The following FNBP1L variants were observed in gnomAD, a reference collection of about 807,000 sequenced individuals.
FNBP1L encodes the protein formin-binding protein 1-like.
FNBP1L carries 36 observed loss-of-function variants against 91.2 expected under a neutral mutation model. The ratio of observed to expected loss-of-function variants is 0.39; its 90% CI spans 0.30 to 0.52. FNBP1L has a LOEUF of 0.52. Among genes scored for constraint, FNBP1L ranks in the 20% least tolerant of loss-of-function variants. The pLI, the probability that FNBP1L is intolerant of heterozygous loss-of-function variation, is 0.66. For synonymous variants in FNBP1L, 242 were observed against 237.0 expected (o/e 1.02, Z -0.19); for missense variants, 571 against 732.1 (o/e 0.78, Z 2.54).
intron 11 of FNBP1L, 97 bp from the exon 12 acceptor site, chr1:93,544,010 C>T (rs1672133834): frequency 1.3e-6 from 1 of 789,388 alleles, no homozygotes; most frequent in Non-Finnish European, 1.8e-6. Flanking sequence ...TGAAATTAAA[C>T]TTAAGATTGG....
At chr1:93,518,495 T>C (rs1671207459) in intron 2 of FNBP1L, among the ~76,000 whole-genome samples, 2 of 152,210 alleles carry the variant, frequency 1.3e-5, no homozygotes, top group African/African-American at 4.8e-5. Flanking sequence ...GGATTGAACA[T>C]GTTAAGGTGG....
At chr1:93,499,384 C>T (rs989536026) in intron 1 of FNBP1L, 84 bp from the exon 2 acceptor site, 19 of 852,934 alleles carry the variant, frequency 2.2e-5, no homozygotes, top group Admixed American at 5.0e-5. Flanking sequence ...CATTGCTTCT[C>T]TGTACAAATA....
chr1:93,509,439 G>A (rs764138260), intron 2 of FNBP1L, among the ~76,000 whole-genome samples: 6 of 152,192 alleles, frequency 3.9e-5, no homozygotes, highest in Admixed American at 6.5e-5. Context: ...CTGTTAGGGG[G>A]CTGGAAAGTG....
intron 16 of FNBP1L, chr1:93,551,847 A>G: frequency 2.0e-6 from 2 of 985,390 alleles, no homozygotes; most frequent in Non-Finnish European, 2.4e-6. Context: ...AACTAATCTC[A>G]TACTTTTGTA....
rs527652419 is a variant in FNBP1L, at chr1:93,532,294, C to T, written c.640-628C>T. Among the ~76,000 whole-genome samples, 23 of 151,970 alleles carry T rather than the reference C, an allele frequency of 1.5e-4. No homozygotes were observed. In the East Asian group the frequency reaches 3.9e-3, roughly 26 times the overall value. On this transcript the variant is annotated intron_variant, in intron 7 of 16. Coordinates refer to ENST00000271234, the MANE Select transcript of FNBP1L (RefSeq NM_001164473.3). ...CCATCCTGGCCAACATGGTGAAACCCCATCGCTACTAAAAATACAAAAATT... is the reference window on the plus strand; with the variant it reads ...CCATCCTGGCCAACATGGTGAAACCTCATCGCTACTAAAAATACAAAAATT...
chr1:93,542,433 A>G lies in FNBP1L; in HGVS notation c.1164+1377A>G, dbSNP rs527566505. 8.7e-5 allele frequency among the ~76,000 whole-genome samples: 9 copies of G among 103,146 alleles called. No homozygotes were observed. In the East Asian group the frequency reaches 2.7e-3, roughly 31 times the overall value. The allele number at this position is 103,146 out of a possible 152,430, so 67.7% of individuals were successfully genotyped here. A position where few individuals can be genotyped will look rare whatever the true frequency, so the allele number is the denominator to read the frequency against. ...TTGATTGATATCCTTGTTTCTGGTG[A>G]TTGGTAAATGAAAAAAAAAAAAAAA... On this transcript the variant is annotated intron_variant, in intron 11 of 16. Coordinates refer to ENST00000271234, the MANE Select transcript of FNBP1L (RefSeq NM_001164473.3).
chr1:93,506,917 A>G (rs997093566), intron 2 of FNBP1L, among the ~76,000 whole-genome samples: 5 of 152,284 alleles, frequency 3.3e-5, no homozygotes, highest in African/African-American at 1.2e-4. Flanking sequence ...AATATCACAT[A>G]TATAACTAAT....
Position 93,551,150 on chromosome 1 carries a change from G to A in FNBP1L, c.1810+45G>A, listed in dbSNP as rs1327816722. 9 of 1,513,364 alleles carry A rather than the reference G, an allele frequency of 5.9e-6. No individual in the cohort carries two copies. The Middle Eastern group carries it at 5.3e-4, about 89-fold the overall frequency. The allele number at this position is 1,513,364 out of a possible 1,614,324, so 93.7% of individuals were successfully genotyped here. On this transcript the variant is annotated intron_variant, in intron 16 of 16. Transcript: ENST00000271234. ...AACTAACCAGGCACCTTTGTGCCAT[G>A]TGTGACATAGGAAGAGTAACATAAA...
intron 11 of FNBP1L, among the ~76,000 whole-genome samples, chr1:93,542,458 A>AG (rs1553221856): frequency 0.022 from 3,255 of 149,940 alleles, 144 homozygotes; most frequent in African/African-American, 0.076. Context: ...AAAAAAAAAA[A>AG]AAAAAAAAGC....
At chr1:93,461,164 T>C (rs1444604436) in intron 1 of FNBP1L, among the ~76,000 whole-genome samples, 1 of 152,218 alleles carries the variant, frequency 6.6e-6, no homozygotes, top group Non-Finnish European at 1.5e-5. Flanking sequence ...ATTTAGAGTT[T>C]GGATTGTTTG....
chr1:93,492,317 A>G (rs542498445), intron 1 of FNBP1L, among the ~76,000 whole-genome samples: 9 of 152,292 alleles, frequency 5.9e-5, no homozygotes, highest in African/African-American at 1.9e-4. Flanking sequence ...GTAAAACCAT[A>G]TTAGTAGGGT....
intron 1 of FNBP1L, among the ~76,000 whole-genome samples, chr1:93,467,991 TC>T (rs2101694483): frequency 6.6e-6 from 1 of 152,300 alleles, no homozygotes; most frequent in South Asian, 2.1e-4. Flanking sequence ...TCCCCACAAT[TC>T]CTTTGTGCTT....
At chr1:93,513,712 T>C (rs1241818328) in intron 2 of FNBP1L, among the ~76,000 whole-genome samples, 2 of 152,148 alleles carry the variant, frequency 1.3e-5, no homozygotes, top group Non-Finnish European at 2.9e-5. Context: ...TTTGACAAAA[T>C]TCAAGAACCC....
intron 1 of FNBP1L, chr1:93,488,599 CAT>C (rs1244176456): frequency 1.3e-5 from 2 of 152,290 alleles, no homozygotes; most frequent in South Asian, 4.1e-4. Flanking sequence ...GAAGATGGGG[CAT>C]ATAAACTGGC....
rs747238173 is a variant in FNBP1L at position 93,549,425 on chromosome 1, T to C, written c.1650T>C (p.Asp550=). 1 of 1,570,626 alleles carries C rather than the reference T, an allele frequency of 6.4e-7. No homozygotes were observed. The highest frequency in any genetic ancestry group is 1.2e-5 in the South Asian group (1 of 82,870). Residue 550 remains aspartate (D), a splice_region_variant and synonymous_variant, in exon 15 of 17, where the codon GAT becomes GAC. Coordinates refer to ENST00000271234, the MANE Select transcript of FNBP1L (RefSeq NM_001164473.3). ...IGHCKAIYPF[D]GHNEGTLAMK... ...ACTGCAAAGCTATCTACCCTTTTGA[T>C]GGTATGATTTTCTTAATAATATTGT...
intron 1 of FNBP1L, among the ~76,000 whole-genome samples, chr1:93,467,600 C>T (rs372653485): frequency 3.5e-4 from 53 of 152,202 alleles, no homozygotes; most frequent in African/African-American, 1.1e-3. Context: ...ATCCCAGGAC[C>T]ACTGAACTGT....
chr1:93,540,949 T>C, intron 10 of FNBP1L, 93 bp from the exon 11 acceptor site: 1 of 1,093,104 alleles, frequency 9.1e-7, no homozygotes, highest in South Asian at 1.4e-5. Flanking sequence ...TTTATTTTAG[T>C]ATTGTGAAAA....
rs1235812613 is a variant in FNBP1L at position 93,534,725 on chromosome 1, C to T, written c.807C>T (p.Asp269=). 1.3e-6 allele frequency: 2 copies of T among 1,567,726 alleles called. No homozygotes were observed. Among genetic ancestry groups the T allele is most frequent in the Non-Finnish European group, 1.7e-6 (2 of 1,153,826 alleles). The change falls in exon 9 of 17, where the codon GAC becomes GAT. Residue 269 remains aspartate (D), a synonymous_variant. Coordinates refer to ENST00000271234, the MANE Select transcript of FNBP1L (RefSeq NM_001164473.3). ...TATAGGACTCTCAAATGGTGGTAGA[C>T]TCCTTCAAATCTGGTTTTGAACCTC... The part of the protein sequence containing the change: ...DERRDSQMVV[D]SFKSGFEPPG...
At chr1:93,533,776 G>C (rs768215637) in intron 8 of FNBP1L, among the ~76,000 whole-genome samples, 26 of 152,124 alleles carry the variant, frequency 1.7e-4, no homozygotes, top group Non-Finnish European at 3.5e-4. Context: ...ATTTAGAAAA[G>C]AGGATTTTTG....
Sources: gnomAD v4.1 joint callset for allele counts (sites outside exome capture counted in the v4.1 genomes callset) on GRCh38, gnomAD v4.1.1 for gene constraint, MANE v1.5 for transcripts, NCBI Gene and HGNC (gene_info 2026-07-23, HGNC 2026-07-21) for gene names.